Variants in IPCEF1 observed in about 807,000 individuals in gnomAD.
IPCEF1 encodes interactor protein for cytohesin exchange factors 1.
IPCEF1 carries 31 observed loss-of-function variants against 50.9 expected under a neutral mutation model. The ratio of observed to expected loss-of-function variants is 0.61; its 90% CI spans 0.46 to 0.82. IPCEF1 has a LOEUF of 0.82. IPCEF1 is among the 40% of genes least tolerant of loss of function. IPCEF1 has a pLI of 0.00. For missense variants in IPCEF1, 458 were observed against 514.0 expected, an observed-to-expected ratio of 0.89 and a Z score of 1.05; for synonymous variants, 181 against 192.0, an observed-to-expected ratio of 0.94 and a Z score of 0.47.
chr6:154,354,415 A>ACCTCCACCACCACCTCCACCACCT (rs1784170541), intron 1 of IPCEF1, among the ~76,000 whole-genome samples: 4 of 46,690 alleles, frequency 8.6e-5, no homozygotes, highest in Non-Finnish European at 1.6e-4. Flanking sequence ...CTCCACCACC[A>ACCTCCACCACCACCTCCACCACCT]CCTCCACCAC....
At position 154,212,799 on chromosome 6, in the gene IPCEF1, G is replaced by A. The variant is rs766686514; in HGVS notation, c.508C>T (p.Pro170Ser). 3 of 1,613,574 alleles carry A rather than the reference G, an allele frequency of 1.9e-6. No homozygotes were observed. The highest frequency in any genetic ancestry group is 1.7e-4 in the Middle Eastern group (1 of 6,060). Residue 170 changes from proline to serine, a missense_variant, in exon 9 of 12, where the codon CCT becomes TCT. Pro to Ser is a moderately conservative substitution (Grantham distance 74). Transcript: ENST00000367220. ...DPEIAAETPP[P>S]PHASQTQSLT... Reference sequence around the variant, plus strand: ...GACTGAGTCTGGGAAGCGTGAGGAGGGGGTGGTGTCTCCGCAGCTATTTCT... The same window carrying A: ...GACTGAGTCTGGGAAGCGTGAGGAGAGGGTGGTGTCTCCGCAGCTATTTCT...
intron 2 of IPCEF1, among the ~76,000 whole-genome samples, chr6:154,272,661 A>C (rs1323690113): frequency 1.3e-5 from 2 of 152,238 alleles, no homozygotes; most frequent in African/African-American, 4.8e-5. Context: ...CACATATATT[A>C]ATAAAGAATC....
chr6:154,275,232 C>T (rs777099381), intron 2 of IPCEF1, among the ~76,000 whole-genome samples: 1 of 152,188 alleles, frequency 6.6e-6, no homozygotes, highest in Non-Finnish European at 1.5e-5. Flanking sequence ...GACTGAAACT[C>T]CAGGAGCCAC....
At chr6:154,300,493 G>A (rs1387011511) in intron 1 of IPCEF1, among the ~76,000 whole-genome samples, 2 of 152,106 alleles carry the variant, frequency 1.3e-5, no homozygotes, top group Non-Finnish European at 2.9e-5. Context: ...GTGCACTGTA[G>A]TACTTAGCTA....
chr6:154,350,741 G>GAC (rs1784106657), intron 1 of IPCEF1, among the ~76,000 whole-genome samples: 1 of 152,016 alleles, frequency 6.6e-6, no homozygotes, highest in African/African-American at 2.4e-5. Context: ...TTTTTTCAGA[G>GAC]ACAGAGTCTT....
intron 3 of IPCEF1, among the ~76,000 whole-genome samples, chr6:154,249,917 TTG>T (rs1491226172): frequency 1.1e-3 from 161 of 143,748 alleles, no homozygotes; most frequent in Non-Finnish European, 1.2e-3. Context: ...GGCTTTTTTT[TTG>T]TTTGTTTTTA....
At chr6:154,330,325 CTTT>C (rs138406253) in intron 1 of IPCEF1, among the ~76,000 whole-genome samples, 22,257 of 88,520 alleles carry the variant, frequency 0.25, 3,022 homozygotes, top group East Asian at 0.62. Flanking sequence ...ATTATAGCCT[CTTT>C]TTTTTTTTTT....
chr6:154,310,227 T>C (rs1343887920), intron 1 of IPCEF1, among the ~76,000 whole-genome samples: 2 of 152,206 alleles, frequency 1.3e-5, no homozygotes, highest in Non-Finnish European at 2.9e-5. Flanking sequence ...TGCCAGGCAT[T>C]TCTCAAAAGA....
In IPCEF1 at chr6:154,157,377, GT is replaced by G. The variant is rs1252521174; in HGVS notation, c.*2450del. 1 of 152,252 alleles carries G rather than the reference GT, an allele frequency of 6.6e-6. No individual in the cohort carries two copies. Among genetic ancestry groups the G allele is most frequent in the Non-Finnish European group, 1.5e-5 (1 of 68,060 alleles). The allele number at this position is 152,252 out of a possible 1,614,324, so 9.4% of individuals were successfully genotyped here. A position where few individuals can be genotyped will look rare whatever the true frequency, so the allele number is the denominator to read the frequency against. On this transcript the variant is annotated 3_prime_UTR_variant, in exon 12 of 12. Transcript: ENST00000367220. ...AGGCAATGGGGCTCCAGAAAGCCAGGTGCAAAATTGTGAAGTTCAGTTTCCC... is the reference window on the plus strand; with the variant it reads ...AGGCAATGGGGCTCCAGAAAGCCAGGGCAAAATTGTGAAGTTCAGTTTCCC...
intron 5 of IPCEF1, among the ~76,000 whole-genome samples, chr6:154,242,191 A>G (rs1780652389): frequency 6.6e-6 from 1 of 152,052 alleles, no homozygotes; most frequent in African/African-American, 2.4e-5. Context: ...TCCCACCTCT[A>G]CTTCTCAAAG....
chr6:154,249,516 C>A (rs996027846), intron 3 of IPCEF1, among the ~76,000 whole-genome samples: 1 of 152,086 alleles, frequency 6.6e-6, no homozygotes, highest in African/African-American at 2.4e-5. Flanking sequence ...GAGAAAAGGG[C>A]GTTGTTAACA....
intron 1 of IPCEF1, among the ~76,000 whole-genome samples, chr6:154,341,087 G>C (rs1249347417): frequency 6.6e-6 from 1 of 152,160 alleles, no homozygotes; most frequent in African/African-American, 2.4e-5. Context: ...AGATAGGTGA[G>C]AGACAAGCTG....
At position 154,154,574 on chromosome 6, in the gene IPCEF1, C is replaced by A. The variant is rs1409014850; in HGVS notation, c.*5254G>T. 6.6e-6 allele frequency: 1 copy of A among 152,170 alleles called. No individual in the cohort carries two copies. The highest frequency in any genetic ancestry group is 1.5e-5 in the Non-Finnish European group (1 of 68,030). The allele number at this position is 152,170 out of a possible 1,614,324, so 9.4% of individuals were successfully genotyped here. Reference sequence around the variant, plus strand: ...TTTTGATGACTGCCACCAGAGGGCACTGTAACCTTGTTGTAGACGATCAAA... The same window carrying A: ...TTTTGATGACTGCCACCAGAGGGCAATGTAACCTTGTTGTAGACGATCAAA... On this transcript the variant is annotated 3_prime_UTR_variant, in exon 12 of 12. Transcript: ENST00000367220.
At chr6:154,167,873 C>T (rs1306039504) in intron 11 of IPCEF1, 47 bp downstream of exon 11, 1 of 1,415,576 alleles carries the variant, frequency 7.1e-7, no homozygotes, top group African/African-American at 1.4e-5. Context: ...CCAGCCGTTC[C>T]TTGCCCCACA....
At chr6:154,208,094 T>G (rs1431188082) in intron 9 of IPCEF1, among the ~76,000 whole-genome samples, 1 of 151,120 alleles carries the variant, frequency 6.6e-6, no homozygotes, top group African/African-American at 2.4e-5. Flanking sequence ...GGGGCTCCAT[T>G]TGAAATGGAA....
chr6:154,282,530 C>CA (rs1446248920), intron 2 of IPCEF1, among the ~76,000 whole-genome samples: 2 of 151,744 alleles, frequency 1.3e-5, no homozygotes, highest in East Asian at 3.9e-4. Context: ...AAAACACACA[C>CA]AAAAAAATTA....
chr6:154,207,239 T>G (rs949149067), intron 9 of IPCEF1, among the ~76,000 whole-genome samples: 4 of 152,216 alleles, frequency 2.6e-5, no homozygotes, highest in African/African-American at 9.7e-5. Context: ...GAAGATGAGC[T>G]GTTAAAGCCA....
At chr6:154,267,096 C>G (rs888224551) in intron 2 of IPCEF1, among the ~76,000 whole-genome samples, 1 of 150,952 alleles carries the variant, frequency 6.6e-6, no homozygotes. Flanking sequence ...AGATAAACCA[C>G]AATAAAAGGA....
intron 10 of IPCEF1, among the ~76,000 whole-genome samples, chr6:154,175,208 C>T (rs1439391810): frequency 6.6e-6 from 1 of 152,120 alleles, no homozygotes; most frequent in Non-Finnish European, 1.5e-5. Flanking sequence ...TAAATGCCCA[C>T]AAGAGAAAGC....
Sources: allele counts gnomAD v4.1 joint callset (sites outside exome capture counted in the v4.1 genomes callset), GRCh38; gene constraint gnomAD v4.1.1; transcripts MANE v1.5; gene names NCBI Gene and HGNC (gene_info 2026-07-23, HGNC 2026-07-21).